BTD: variants seen among roughly 807,000 people sequenced by gnomAD.
The protein encoded by BTD is biocytinase.
A neutral mutation model predicts 17.7 loss-of-function variants in BTD; 13 were observed. That is an observed-to-expected ratio of 0.74 (90% CI 0.48 to 1.17). The LOEUF (loss-of-function observed/expected upper bound fraction) is 1.17. Ranked by LOEUF, BTD falls within the 50% of genes most tolerant of loss-of-function variation. The pLI, the probability that BTD is intolerant of heterozygous loss-of-function variation, is 0.00. For missense variants in BTD, 674 were observed against 650.4 expected, an observed-to-expected ratio of 1.04 and a Z score of -0.39; for synonymous variants, 240 against 245.2, an observed-to-expected ratio of 0.98 and a Z score of 0.20.
At chr3:15,604,847 A>G (rs2064395534) in intron 1 of BTD, among the ~76,000 whole-genome samples, 1 of 152,194 alleles carries the variant, frequency 6.6e-6, no homozygotes, top group Non-Finnish European at 1.5e-5. Context: ...TCCATCAGAA[A>G]CCACTTCAGC....
At chr3:15,631,628 T>G in intron 1 of BTD, 2 of 751,954 alleles carry the variant, frequency 2.7e-6, no homozygotes, top group South Asian at 3.7e-5. Flanking sequence ...TCAGGACTGG[T>G]GTTGGGGGAA....
At chr3:15,621,310 T>A (rs1012364824) in intron 1 of BTD, among the ~76,000 whole-genome samples, 1 of 152,216 alleles carries the variant, frequency 6.6e-6, no homozygotes, top group African/African-American at 2.4e-5. Flanking sequence ...TCTTTTCTTG[T>A]AATGTCTTTG....
At chr3:15,707,572 A>G (rs1451359178) in intron 3 of BTD, among the ~76,000 whole-genome samples, 2 of 152,194 alleles carry the variant, frequency 1.3e-5, no homozygotes, top group Non-Finnish European at 2.9e-5. Context: ...CATTACTCAT[A>G]TATCTCCTCT....
chr3:15,604,880 C>T (rs1454885870), intron 1 of BTD, among the ~76,000 whole-genome samples: 5 of 152,350 alleles, frequency 3.3e-5, no homozygotes, highest in Admixed American at 2.6e-4. Context: ...GTCCATATCA[C>T]TATCAGCATT....
intron 2 of BTD, among the ~76,000 whole-genome samples, chr3:15,636,024 G>A (rs2280770): frequency 0.16 from 23,709 of 152,156 alleles, 1,977 homozygotes; most frequent in East Asian, 0.21. Flanking sequence ...TCTCAAGTGT[G>A]GTTGTACATA....
At chr3:15,664,893 C>A (rs1266540269) in intron 3 of BTD, among the ~76,000 whole-genome samples, 1 of 152,136 alleles carries the variant, frequency 6.6e-6, no homozygotes, top group African/African-American at 2.4e-5. Flanking sequence ...GTTCAAAAAA[C>A]TACCTATTAA....
intron 2 of BTD, among the ~76,000 whole-genome samples, chr3:15,636,493 G>A (rs796382673): frequency 9.8e-5 from 15 of 152,296 alleles, no homozygotes; most frequent in Middle Eastern, 3.4e-3. Context: ...TGCCCTGCTG[G>A]AAAACACAAA....
downstream of BTD, among the ~76,000 whole-genome samples, chr3:15,654,419 G>T (rs914489505): frequency 6.6e-6 from 1 of 152,064 alleles, no homozygotes; most frequent in African/African-American, 2.4e-5. Context: ...CTCCTCCTAA[G>T]TCAGTCACAC....
At chr3:15,686,387 C>G in intron 3 of BTD, 1 of 1,156,110 alleles carries the variant, frequency 8.6e-7, no homozygotes, top group Non-Finnish European at 1.2e-6. Context: ...AGCACATCTT[C>G]TAGAATTTAC....
exon 4 of BTD, among the ~76,000 whole-genome samples, chr3:15,710,408 G>A (rs1171806940): frequency 2.0e-5 from 3 of 152,150 alleles, no homozygotes; most frequent in Admixed American, 6.6e-5. Flanking sequence ...GGCAAGTTAC[G>A]TGGAAGTTAG....
At chr3:15,708,707 G>T (rs1038501369) in intron 3 of BTD, among the ~76,000 whole-genome samples, 15 of 152,110 alleles carry the variant, frequency 9.9e-5, no homozygotes, top group African/African-American at 3.6e-4. Context: ...TGGGTCATTA[G>T]TTCTTTCCAT....
At chr3:15,627,428 A>G (rs2065094695) in intron 1 of BTD, among the ~76,000 whole-genome samples, 2 of 152,102 alleles carry the variant, frequency 1.3e-5, no homozygotes, top group Admixed American at 6.5e-5. Flanking sequence ...GTGTTTCTCC[A>G]TGTTGCCCAG....
chr3:15,678,127 G>A, intron 3 of BTD: 2 of 1,333,478 alleles, frequency 1.5e-6, no homozygotes, highest in Non-Finnish European at 2.0e-6. Context: ...ATAACTAGTT[G>A]AAGTCAGAAG....
intron 3 of BTD, among the ~76,000 whole-genome samples, chr3:15,666,227 T>A (rs1298862892): frequency 6.6e-6 from 1 of 152,226 alleles, no homozygotes; most frequent in Non-Finnish European, 1.5e-5. Flanking sequence ...GGAACTTACA[T>A]AATTTAGTAT....
intron 3 of BTD, chr3:15,686,545 T>C (rs969630351): frequency 1.3e-5 from 7 of 523,016 alleles, no homozygotes; most frequent in Non-Finnish European, 2.4e-5. Flanking sequence ...CCAGCACCCA[T>C]GCCCTATCAT....
intron 3 of BTD, among the ~76,000 whole-genome samples, chr3:15,700,544 G>T (rs565590197): frequency 4.7e-4 from 71 of 152,282 alleles, no homozygotes; most frequent in Non-Finnish European, 8.1e-4. Context: ...GAGAGGCTGA[G>T]GCGGGCAGAT....
At chr3:15,670,089 A>C (rs2066199513) in intron 3 of BTD, 1 of 613,224 alleles carries the variant, frequency 1.6e-6, no homozygotes, top group Non-Finnish European at 2.8e-6. Context: ...AGATTCTAGA[A>C]GTTCCTTTTG....
chr3:15,692,745 T>C (rs1015204966), intron 3 of BTD, among the ~76,000 whole-genome samples: 4 of 152,222 alleles, frequency 2.6e-5, no homozygotes, highest in African/African-American at 9.6e-5. Context: ...GGTGGTATAA[T>C]CATATTTCAT....
chr3:15,616,185 A>G (rs2064784739), intron 1 of BTD, among the ~76,000 whole-genome samples: 1 of 152,240 alleles, frequency 6.6e-6, no homozygotes, highest in African/African-American at 2.4e-5. Flanking sequence ...TTGCTGAATC[A>G]TATGATAAGA....
Sources: allele counts gnomAD v4.1 joint callset (sites outside exome capture counted in the v4.1 genomes callset), GRCh38; gene constraint gnomAD v4.1.1; transcripts MANE v1.5; gene names NCBI Gene and HGNC (gene_info 2026-07-23, HGNC 2026-07-21).